The following SLC35F4 variants were observed in gnomAD, a reference collection of about 807,000 sequenced individuals.
SLC35F4 encodes chromosome 14 open reading frame 36.
SLC35F4 carries 24 observed loss-of-function variants against 44.2 expected under a neutral mutation model. The ratio of observed to expected loss-of-function variants is 0.54; its 90% CI spans 0.39 to 0.76. The LOEUF (loss-of-function observed/expected upper bound fraction) is 0.76, where lower values mean the gene tolerates loss of function less well. Ranked by LOEUF, SLC35F4 falls within the 30% of genes least tolerant of loss-of-function variation. The pLI is 0.00. For synonymous variants in SLC35F4, 238 were observed against 223.6 expected (o/e 1.06, Z -0.57); for missense variants, 562 against 586.1 (o/e 0.96, Z 0.42).
intron 1 of SLC35F4, among the ~76,000 whole-genome samples, chr14:57,740,871 C>T (rs577543134): frequency 6.6e-6 from 1 of 152,232 alleles, no homozygotes; most frequent in Non-Finnish European, 1.5e-5. Flanking sequence ...TTGGGAGACA[C>T]CTCCCAGTAG....
intron 1 of SLC35F4, among the ~76,000 whole-genome samples, chr14:57,903,829 G>A (rs1057300426): frequency 1.2e-4 from 18 of 152,240 alleles, no homozygotes; most frequent in South Asian, 6.2e-4. Context: ...CTAACAGGTC[G>A]TTTAAAACTC....
chr14:57,808,634 T>C (rs531067130), intron 1 of SLC35F4, among the ~76,000 whole-genome samples: 29 of 149,638 alleles, frequency 1.9e-4, no homozygotes, highest in Admixed American at 2.6e-4. Flanking sequence ...CCCATTTCTA[T>C]AAAAAATTAA....
chr14:57,572,807 A>T (rs571056351), intron 4 of SLC35F4, among the ~76,000 whole-genome samples: 16 of 152,360 alleles, frequency 1.1e-4, no homozygotes, highest in African/African-American at 3.1e-4. Context: ...CTACTCCCTT[A>T]GTGAATTGCT....
At chr14:57,641,229 C>A (rs150673827) in intron 1 of SLC35F4, among the ~76,000 whole-genome samples, 1 of 151,920 alleles carries the variant, frequency 6.6e-6, no homozygotes, top group Non-Finnish European at 1.5e-5. Context: ...ATCATAAACA[C>A]GCTAACTTTA....
At chr14:57,934,858 C>T (rs1294684129) in intron 1 of SLC35F4, among the ~76,000 whole-genome samples, 3 of 152,088 alleles carry the variant, frequency 2.0e-5, no homozygotes, top group Non-Finnish European at 2.9e-5. Context: ...AGAAAAGACA[C>T]AGAAGAATGA....
chr14:57,645,438 A>G (rs1316135346), intron 1 of SLC35F4, among the ~76,000 whole-genome samples: 1 of 152,140 alleles, frequency 6.6e-6, no homozygotes, highest in Non-Finnish European at 1.5e-5. Flanking sequence ...TTATTGGTGT[A>G]TAAGAATGCT....
rs764954583 is a variant in SLC35F4 at position 57,571,974 on chromosome 14, A to G, written c.853T>C (p.Tyr285His). 3.1e-6 allele frequency: 5 copies of G among 1,612,060 alleles called. No homozygotes were observed. In the African/African-American group the frequency reaches 5.3e-5, roughly 17 times the overall value. The change falls in exon 5 of 8, where the codon TAT becomes CAT. Residue 285 changes from tyrosine (Y) to histidine (H), a missense_variant. Physicochemically the swap from Tyr to His is moderately conservative, Grantham distance 83 (BLOSUM62 2). Transcript: ENST00000556826. ...GAATCAGCGTGGAAATTATCTGCATATGCCATCATGACAATGCCGGTAATT... is the reference window on the plus strand; with the variant it reads ...GAATCAGCGTGGAAATTATCTGCATGTGCCATCATGACAATGCCGGTAATT... ...MAITGIVMMA[Y>H]ADNFHADSII...
chr14:57,792,011 T>C (rs937343387), intron 1 of SLC35F4, among the ~76,000 whole-genome samples: 1 of 151,838 alleles, frequency 6.6e-6, no homozygotes. Flanking sequence ...ATACCTAATG[T>C]AAATGACGGG....
At chr14:57,959,088 T>C (rs1348227401) in intron 1 of SLC35F4, among the ~76,000 whole-genome samples, 1 of 152,158 alleles carries the variant, frequency 6.6e-6, no homozygotes, top group Non-Finnish European at 1.5e-5. Context: ...AGGAGAAGGA[T>C]GGCTATCATC....
Position 57,596,818 on chromosome 14 carries a change from A to ATACC in SLC35F4, c.104-2698_104-2695dup, listed in dbSNP as rs780833386. 2.2e-6 allele frequency: 3 copies of ATACC among 1,367,670 alleles called. No homozygotes were observed. In the South Asian group the frequency reaches 3.4e-5, roughly 16 times the overall value. The allele number at this position is 1,367,670 out of a possible 1,614,324, so 84.7% of individuals were successfully genotyped here. On this transcript the variant is annotated intron_variant, in intron 1 of 7. Transcript: ENST00000556826. ...CCATACCTCCTGTTCCTTATGTGAT[A>ATACC]TACCGCAAAGCCCATTGCCTGCTGC...
chr14:57,892,073 T>C (rs1164499788), intron 1 of SLC35F4, among the ~76,000 whole-genome samples: 2 of 152,234 alleles, frequency 1.3e-5, no homozygotes. Flanking sequence ...CTTTCAAAAA[T>C]TCATGTGTTC....
At chr14:57,951,976 G>A (rs767147937) in intron 1 of SLC35F4, among the ~76,000 whole-genome samples, 9 of 152,152 alleles carry the variant, frequency 5.9e-5, no homozygotes, top group Non-Finnish European at 8.8e-5. Flanking sequence ...CCTGATCCTC[G>A]TGCCTCCTGA....
At chr14:57,576,748 C>G (rs1183968485) in intron 4 of SLC35F4, among the ~76,000 whole-genome samples, 1 of 152,120 alleles carries the variant, frequency 6.6e-6, no homozygotes, top group Non-Finnish European at 1.5e-5. Flanking sequence ...TGAACTCCCC[C>G]TCTCCCTACA....
intron 1 of SLC35F4, among the ~76,000 whole-genome samples, chr14:57,763,521 C>T (rs1056511299): frequency 6.6e-6 from 1 of 152,082 alleles, no homozygotes; most frequent in African/African-American, 2.4e-5. Flanking sequence ...CTTTCTTTGC[C>T]TCAGTTTCCT....
At chr14:57,568,521 G>C (rs1161829228) in intron 6 of SLC35F4, among the ~76,000 whole-genome samples, 4 of 152,178 alleles carry the variant, frequency 2.6e-5, no homozygotes, top group African/African-American at 7.2e-5. Flanking sequence ...GAGGTTATGA[G>C]AGGTGCTAAC....
At chr14:57,747,214 T>C (rs1021233531) in intron 1 of SLC35F4, among the ~76,000 whole-genome samples, 1 of 152,172 alleles carries the variant, frequency 6.6e-6, no homozygotes, top group Admixed American at 6.6e-5. Context: ...ATAAAAAGAC[T>C]CGAGTCATAA....
chr14:57,576,044 G>A (rs1033173715), intron 4 of SLC35F4, among the ~76,000 whole-genome samples: 3 of 151,104 alleles, frequency 2.0e-5, no homozygotes, highest in African/African-American at 7.3e-5. Context: ...AGCCCACAAA[G>A]GTTTGGTCCT....
intron 1 of SLC35F4, among the ~76,000 whole-genome samples, chr14:57,687,244 G>T (rs2075094132): frequency 6.6e-6 from 1 of 152,138 alleles, no homozygotes; most frequent in Non-Finnish European, 1.5e-5. Flanking sequence ...GGTTTCACTG[G>T]CTGAAAATCC....
At chr14:57,725,436 C>T (rs1246119977) in intron 1 of SLC35F4, among the ~76,000 whole-genome samples, 1 of 152,170 alleles carries the variant, frequency 6.6e-6, no homozygotes, top group African/African-American at 2.4e-5. Flanking sequence ...AGAGGTTTGT[C>T]CTCAATGGAA....
Sources: allele counts gnomAD v4.1 joint callset (sites outside exome capture counted in the v4.1 genomes callset), GRCh38; gene constraint gnomAD v4.1.1; transcripts MANE v1.5; gene names NCBI Gene and HGNC (gene_info 2026-07-23, HGNC 2026-07-21).